Variants in ACCSL observed in about 807,000 individuals in gnomAD.
The protein encoded by ACCSL is probable inactive 1-aminocyclopropane-1-carboxylate synthase-like protein 2.
Under a neutral mutation model 61.7 loss-of-function variants are expected in ACCSL, and 55 were observed. The observed-to-expected ratio is 0.89, with a 90% CI of 0.72 to 1.12. The LOEUF is 1.12. Among genes scored for constraint, ACCSL ranks in the 50% most tolerant of loss-of-function variants. The pLI, the probability that ACCSL is intolerant of heterozygous loss-of-function variation, is 0.00. For missense variants in ACCSL, 632 were observed against 698.0 expected (o/e 0.91, Z 1.07); for synonymous variants, 258 against 264.3 (o/e 0.98, Z 0.23).
At chr11:43,984,959 G>A in the ACCSL span, among the ~76,000 whole-genome samples, 1 of 152,226 alleles carries the variant, frequency 6.6e-6, no homozygotes, top group Non-Finnish European at 1.5e-5. Flanking sequence ...GCTGGGGAAG[G>A]GGACCTTCAT....
At chr11:44,010,740 C>T in the ACCSL span, among the ~76,000 whole-genome samples, 2 of 152,178 alleles carry the variant, frequency 1.3e-5, no homozygotes, top group Non-Finnish European at 2.9e-5. Context: ...AAAACCCTTT[C>T]CTGGGCCTCC....
chr11:44,008,484 T>A, the ACCSL span, among the ~76,000 whole-genome samples: 1 of 152,232 alleles, frequency 6.6e-6, no homozygotes, highest in Admixed American at 6.5e-5. Context: ...CTGTCCTTCT[T>A]CTGTCGTTGT....
At chr11:43,922,883 A>G in the ACCSL span, among the ~76,000 whole-genome samples, 4 of 152,230 alleles carry the variant, frequency 2.6e-5, no homozygotes, top group Non-Finnish European at 5.9e-5. Context: ...TGTCTTCTTT[A>G]TAACAGGCAA....
At chr11:44,007,226 C>T in the ACCSL span, among the ~76,000 whole-genome samples, 2 of 152,218 alleles carry the variant, frequency 1.3e-5, no homozygotes, top group African/African-American at 4.8e-5. Context: ...GGGAATGTCA[C>T]AGGCTCCTTC....
chr11:44,010,339 C>A, the ACCSL span, among the ~76,000 whole-genome samples: 30 of 150,908 alleles, frequency 2.0e-4, no homozygotes, highest in East Asian at 3.3e-3. Flanking sequence ...AACTCTGTCT[C>A]AAAAAAAAAT....
chr11:43,929,212 TTTG>T, the ACCSL span, among the ~76,000 whole-genome samples: 1 of 152,106 alleles, frequency 6.6e-6, no homozygotes. Context: ...GGCCTTGATT[TTTG>T]TTGTTGTTTT....
At chr11:44,040,023 G>A in the ACCSL span, among the ~76,000 whole-genome samples, 5 of 152,238 alleles carry the variant, frequency 3.3e-5, no homozygotes, top group Non-Finnish European at 7.3e-5. Context: ...AACCAGAAAG[G>A]CTAGGTGGGT....
the ACCSL span, among the ~76,000 whole-genome samples, chr11:44,024,832 T>C: frequency 3.3e-5 from 5 of 152,188 alleles, no homozygotes; most frequent in African/African-American, 1.2e-4. Context: ...CCTTCATTTC[T>C]GTTATTTTTT....
chr11:43,975,222 G>A, the ACCSL span, among the ~76,000 whole-genome samples: 20 of 152,150 alleles, frequency 1.3e-4, no homozygotes, highest in Non-Finnish European at 2.8e-4. Flanking sequence ...ATTATGTAGA[G>A]GCAAGAAGTT....
At chr11:43,967,102 T>C in the ACCSL span, among the ~76,000 whole-genome samples, 1 of 151,774 alleles carries the variant, frequency 6.6e-6, no homozygotes, top group Non-Finnish European at 1.5e-5. Flanking sequence ...TGCATCTTCA[T>C]TTCTGAAATT....
upstream of ACCSL, among the ~76,000 whole-genome samples, chr11:44,047,279 A>C (rs1952604815): frequency 6.6e-6 from 1 of 152,184 alleles, no homozygotes; most frequent in Non-Finnish European, 1.5e-5. Flanking sequence ...ATTTGCAGGA[A>C]GCCAAGTGAG....
chr11:43,988,237 C>A, the ACCSL span, among the ~76,000 whole-genome samples: 1 of 152,132 alleles, frequency 6.6e-6, no homozygotes, highest in Non-Finnish European at 1.5e-5. Flanking sequence ...CTAGGGGGAA[C>A]CCTGGCAGGG....
At chr11:43,982,226 CTTTTTT>C in the ACCSL span, among the ~76,000 whole-genome samples, 49 of 86,308 alleles carry the variant, frequency 5.7e-4, no homozygotes, top group Admixed American at 2.4e-3. Context: ...CCAAGGCCCT[CTTTTTT>C]TTTTTTTTTT....
At chr11:44,045,347 G>A (rs1297165912), upstream of ACCSL, among the ~76,000 whole-genome samples, 1 of 152,124 alleles carries the variant, frequency 6.6e-6, no homozygotes, top group Non-Finnish European at 1.5e-5. Flanking sequence ...GGCTGAGGTG[G>A]AAGGAACGCT....
the ACCSL span, among the ~76,000 whole-genome samples, chr11:44,019,246 A>G: frequency 6.6e-6 from 1 of 152,226 alleles, no homozygotes; most frequent in Admixed American, 6.5e-5. Context: ...ACATATGTGT[A>G]CAAGTGTTTG....
the ACCSL span, among the ~76,000 whole-genome samples, chr11:44,035,529 G>A: frequency 6.6e-6 from 1 of 152,102 alleles, no homozygotes; most frequent in African/African-American, 2.4e-5. Context: ...CAGCCACCAT[G>A]GGCTTAAGGG....
At chr11:44,038,327 G>C in the ACCSL span, among the ~76,000 whole-genome samples, 4 of 152,180 alleles carry the variant, frequency 2.6e-5, no homozygotes, top group Non-Finnish European at 4.4e-5. Flanking sequence ...AGACTCTAAA[G>C]CACTGCCTAC....
chr11:43,933,357 G>T, the ACCSL span: 1 of 341,816 alleles, frequency 2.9e-6, no homozygotes, highest in East Asian at 7.4e-5. Flanking sequence ...GGGGCAGCCA[G>T]GCTCAAGGTA....
chr11:44,048,187 C>T lies in ACCSL; in HGVS notation c.151C>T (p.Gln51Ter), dbSNP rs1236916855. 6.2e-7 allele frequency: 1 copy of T among 1,614,166 alleles called. No homozygotes were observed. The highest frequency in any genetic ancestry group is 8.5e-7 in the Non-Finnish European group (1 of 1,180,042). ...GCACTTCGTGCAGCTGACGAGCAGA[C>T]AGGGCCTGTCGCTGGAGGAAAGGAG... Reference protein sequence around the residue: ...TEHFVQLTSRQGLSLEERRHT... With the variant: ...TEHFVQLTSR The change falls in exon 1 of 14, where the codon CAG becomes TAG. Residue 51 changes from glutamine (Q) to a stop codon, truncating the protein, a stop_gained. Transcript: ENST00000378832. LOFTEE classifies it high-confidence loss of function.
Sources: allele counts gnomAD v4.1 joint callset (sites outside exome capture counted in the v4.1 genomes callset), GRCh38; gene constraint gnomAD v4.1.1; transcripts MANE v1.5; gene names NCBI Gene and HGNC (gene_info 2026-07-23, HGNC 2026-07-21).